CNTN6: variants seen among roughly 807,000 people sequenced by gnomAD.
The protein encoded by CNTN6 is contactin-6.
CNTN6 carries 137 observed loss-of-function variants against 122.8 expected under a neutral mutation model. That is an observed-to-expected ratio of 1.12 (90% confidence interval 0.97 to 1.29). CNTN6 has a LOEUF of 1.29. CNTN6 is among the 50% of genes most tolerant of loss of function. CNTN6 has a pLI of 0.00. For missense variants in CNTN6, 1,634 were observed against 1,223.4 expected, an observed-to-expected ratio of 1.34 and a Z score of -5.01; for synonymous variants, 570 against 426.0, an observed-to-expected ratio of 1.34 and a Z score of -4.16.
At chr3:1,238,347 G>C (rs2094445617) in intron 4 of CNTN6, among the ~76,000 whole-genome samples, 1 of 152,072 alleles carries the variant, frequency 6.6e-6, no homozygotes, top group African/African-American at 2.4e-5. Context: ...AACAAAGAGG[G>C]ACATTATATA....
intron 4 of CNTN6, among the ~76,000 whole-genome samples, chr3:1,233,138 A>T (rs2094374028): frequency 1.3e-5 from 2 of 152,232 alleles, no homozygotes; most frequent in Admixed American, 1.3e-4. Flanking sequence ...TGAGATGCCA[A>T]AGAAACATGC....
chr3:1,242,948 G>T (rs1444468250), intron 4 of CNTN6, among the ~76,000 whole-genome samples: 2 of 152,146 alleles, frequency 1.3e-5, no homozygotes, highest in Non-Finnish European at 2.9e-5. Flanking sequence ...AGGTAATGTG[G>T]AGTGGGTAGC....
intron 12 of CNTN6, among the ~76,000 whole-genome samples, chr3:1,356,902 G>A (rs1037739040): frequency 2.0e-5 from 3 of 151,810 alleles, no homozygotes; most frequent in Non-Finnish European, 2.9e-5. Context: ...TTATTGAAAC[G>A]TGAATACTAC....
At chr3:1,379,604 T>C (rs889404015) in intron 17 of CNTN6, among the ~76,000 whole-genome samples, 9 of 152,098 alleles carry the variant, frequency 5.9e-5, no homozygotes, top group African/African-American at 2.2e-4. Flanking sequence ...GTTTACTCTC[T>C]GGCCCTCTAC....
At chr3:1,110,878 T>C (rs1692190404) in intron 1 of CNTN6, among the ~76,000 whole-genome samples, 1 of 152,134 alleles carries the variant, frequency 6.6e-6, no homozygotes, top group African/African-American at 2.4e-5. Flanking sequence ...AACCTTACCC[T>C]TTGGTTAATT....
intron 2 of CNTN6, among the ~76,000 whole-genome samples, chr3:1,175,453 AG>A (rs2093431907): frequency 6.6e-6 from 1 of 152,150 alleles, no homozygotes; most frequent in African/African-American, 2.4e-5. Context: ...AGTCTACTCA[AG>A]GCTAACAGCA....
intron 1 of CNTN6, among the ~76,000 whole-genome samples, chr3:1,116,242 A>G (rs2091713932): frequency 6.6e-6 from 1 of 152,128 alleles, no homozygotes; most frequent in Non-Finnish European, 1.5e-5. Context: ...GCCTGGAGAA[A>G]AACAAATGTG....
At chr3:1,264,070 T>C (rs2094889388) in intron 4 of CNTN6, among the ~76,000 whole-genome samples, 1 of 152,140 alleles carries the variant, frequency 6.6e-6, no homozygotes, top group Non-Finnish European at 1.5e-5. Context: ...TGGAATGTTC[T>C]GAACACAGGT....
chr3:1,119,988 C>T (rs1482489195), intron 1 of CNTN6, among the ~76,000 whole-genome samples: 5 of 152,022 alleles, frequency 3.3e-5, no homozygotes, highest in African/African-American at 4.8e-5. Flanking sequence ...GCATGTAGTA[C>T]GGTGCTTTAT....
chr3:1,232,648 C>T (rs2094367041), intron 4 of CNTN6, among the ~76,000 whole-genome samples: 1 of 152,256 alleles, frequency 6.6e-6, no homozygotes, highest in South Asian at 2.1e-4. Flanking sequence ...AAATCACACA[C>T]CGTATGTGGG....
chr3:1,250,554 G>A (rs577398527), intron 4 of CNTN6, among the ~76,000 whole-genome samples: 6 of 152,112 alleles, frequency 3.9e-5, no homozygotes, highest in East Asian at 1.9e-4. Flanking sequence ...CTGCTTTTAC[G>A]AGGTCTTGAC....
At chr3:1,346,999 G>C (rs9837878) in intron 11 of CNTN6, among the ~76,000 whole-genome samples, 1,773 of 152,270 alleles carry the variant, frequency 0.012, 38 homozygotes, top group African/African-American at 0.04. Context: ...AATGTCGCAT[G>C]TTCAGCTGCT....
intron 7 of CNTN6, among the ~76,000 whole-genome samples, chr3:1,319,042 T>C (rs192493431): frequency 6.6e-5 from 10 of 151,828 alleles, no homozygotes; most frequent in African/African-American, 2.4e-4. Flanking sequence ...CCAGTAAGAC[T>C]TTAATGTTGT....
intron 2 of CNTN6, 43 bp downstream of exon 2, chr3:1,148,106 T>C: frequency 1.4e-6 from 2 of 1,473,982 alleles, no homozygotes; most frequent in Non-Finnish European, 1.9e-6. Flanking sequence ...ATAAATATAT[T>C]GGCATTGTAT....
At chr3:1,170,695 C>T (rs2093344040) in intron 2 of CNTN6, among the ~76,000 whole-genome samples, 1 of 152,124 alleles carries the variant, frequency 6.6e-6, no homozygotes, top group African/African-American at 2.4e-5. Flanking sequence ...GATACATAAG[C>T]CATCTCCTCT....
At chr3:1,384,877 G>T (rs1192257397) in intron 19 of CNTN6, among the ~76,000 whole-genome samples, 1 of 149,698 alleles carries the variant, frequency 6.7e-6, no homozygotes, top group African/African-American at 2.5e-5. Flanking sequence ...CTCAGGACAG[G>T]TGTCTTTTCC....
chr3:1,230,252 T>C (rs2094337219), intron 4 of CNTN6, among the ~76,000 whole-genome samples: 1 of 152,172 alleles, frequency 6.6e-6, no homozygotes. Flanking sequence ...TTGTCAAATA[T>C]CTAGTGGTAT....
At chr3:1,400,371 C>T (rs1321308805) in intron 20 of CNTN6, among the ~76,000 whole-genome samples, 1 of 152,010 alleles carries the variant, frequency 6.6e-6, no homozygotes, top group Non-Finnish European at 1.5e-5. Flanking sequence ...AAGTGACTTC[C>T]CAACCTGGAT....
At chr3:1,310,161 A>T (rs1244929217) in intron 7 of CNTN6, among the ~76,000 whole-genome samples, 1 of 152,084 alleles carries the variant, frequency 6.6e-6, no homozygotes, top group Admixed American at 6.6e-5. Context: ...CAATGATGAC[A>T]GTGAGTGATA....
Sources: gnomAD v4.1 joint callset for allele counts (sites outside exome capture counted in the v4.1 genomes callset) on GRCh38, gnomAD v4.1.1 for gene constraint, MANE v1.5 for transcripts, NCBI Gene and HGNC (gene_info 2026-07-23, HGNC 2026-07-21) for gene names.